Variants in ENAH observed in about 807,000 individuals in gnomAD.
ENAH encodes protein enabled homolog.
ENAH carries 23 observed loss-of-function variants against 78.7 expected under a neutral mutation model. The observed-to-expected ratio is 0.29, with a 90% CI of 0.21 to 0.41. The LOEUF (loss-of-function observed/expected upper bound fraction) is 0.41, where lower values mean the gene tolerates loss of function less well. ENAH is among the 10% of genes least tolerant of loss of function. The pLI is 1.00. For synonymous variants in ENAH, 226 were observed against 241.0 expected (o/e 0.94, Z 0.58); for missense variants, 544 against 691.0 (o/e 0.79, Z 2.39).
At chr1:225,582,155 C>T (rs1238599511) in intron 1 of ENAH, among the ~76,000 whole-genome samples, 1 of 152,042 alleles carries the variant, frequency 6.6e-6, no homozygotes, top group African/African-American at 2.4e-5. Context: ...ATCTGGTTGT[C>T]TTCCCCCCCT....
At chr1:225,617,305 C>T (rs757731775) in intron 1 of ENAH, among the ~76,000 whole-genome samples, 1 of 152,014 alleles carries the variant, frequency 6.6e-6, no homozygotes, top group Non-Finnish European at 1.5e-5. Context: ...ACAACCTAAC[C>T]AAATAAGCAA....
chr1:225,605,573 A>T (rs2096952082), intron 1 of ENAH, among the ~76,000 whole-genome samples: 1 of 152,210 alleles, frequency 6.6e-6, no homozygotes, highest in Non-Finnish European at 1.5e-5. Context: ...GTGTATCAGA[A>T]ATGATACTCC....
At chr1:225,632,000 G>C (rs1481303107) in intron 1 of ENAH, among the ~76,000 whole-genome samples, 1 of 151,998 alleles carries the variant, frequency 6.6e-6, no homozygotes, top group Admixed American at 6.5e-5. Context: ...GCCTTTGTAG[G>C]TAACTAGTAA....
At chr1:225,553,796 T>C (rs1204970573) in intron 3 of ENAH, among the ~76,000 whole-genome samples, 1 of 152,208 alleles carries the variant, frequency 6.6e-6, no homozygotes, top group Non-Finnish European at 1.5e-5. Flanking sequence ...TGGTTTATTT[T>C]CTCAAACTAG....
chr1:225,542,027 C>T (rs955482457), intron 3 of ENAH, among the ~76,000 whole-genome samples: 1 of 152,114 alleles, frequency 6.6e-6, no homozygotes. Flanking sequence ...ACTACAGGTG[C>T]ATACCACCAC....
At chr1:225,638,861 A>G (rs1660526201) in intron 1 of ENAH, among the ~76,000 whole-genome samples, 1 of 152,254 alleles carries the variant, frequency 6.6e-6, no homozygotes, top group African/African-American at 2.4e-5. Flanking sequence ...AGGGTCTTAA[A>G]ATCAAAGTTC....
chr1:225,505,107 TTC>T, intron 11 of ENAH: 1 of 1,359,256 alleles, frequency 7.4e-7, no homozygotes, highest in Non-Finnish European at 1.0e-6. Context: ...TAAAAAATAA[TTC>T]TCATTATGTT....
intron 1 of ENAH, among the ~76,000 whole-genome samples, chr1:225,622,489 G>C (rs1657168585): frequency 6.6e-6 from 1 of 152,138 alleles, no homozygotes; most frequent in Non-Finnish European, 1.5e-5. Flanking sequence ...TGTCTTAGTT[G>C]TTCCTGCTGC....
At chr1:225,513,141 A>T in intron 7 of ENAH, 125 bp from the exon 8 acceptor site, 2 of 840,818 alleles carry the variant, frequency 2.4e-6, no homozygotes, top group Non-Finnish European at 1.7e-6. Flanking sequence ...ATTATTTTTT[A>T]AGCTTTAAGA....
chr1:225,601,826 A>C (rs999651783), intron 1 of ENAH, among the ~76,000 whole-genome samples: 2 of 152,042 alleles, frequency 1.3e-5, no homozygotes, highest in Admixed American at 6.5e-5. Context: ...GAAATCAATA[A>C]AAATCAGGAA....
intron 1 of ENAH, among the ~76,000 whole-genome samples, chr1:225,580,532 G>C (rs928432647): frequency 2.0e-5 from 3 of 152,088 alleles, no homozygotes; most frequent in Non-Finnish European, 4.4e-5. Flanking sequence ...AATACGTGAC[G>C]TTTTAAGCCA....
At chr1:225,507,538 C>T (rs1168076772) in intron 11 of ENAH, among the ~76,000 whole-genome samples, 4 of 152,144 alleles carry the variant, frequency 2.6e-5, no homozygotes, top group East Asian at 1.9e-4. Flanking sequence ...TTGTGAATTG[C>T]TTTCAAACTA....
rs148451313 is a variant in ENAH, at chr1:225,538,970, T to C, written c.350-8332A>G. On this transcript the variant is annotated intron_variant, in intron 3 of 13. Coordinates refer to ENST00000366843, the MANE Select transcript of ENAH (RefSeq NM_018212.6). ...CCTCTTCCTGAACACAGATCAAGAC[T>C]TGCCCATCAAATGCCCTCCTACCAT... 1.1e-3 allele frequency among the ~76,000 whole-genome samples: 161 copies of C among 152,330 alleles called. 1 individual carries two copies. Among genetic ancestry groups the C allele is most frequent in the South Asian group, 3.3e-3 (16 of 4,818 alleles).
At chr1:225,652,625 C>CG (rs1449177768) in intron 1 of ENAH, 61 bp downstream of exon 1, 1 of 1,257,330 alleles carries the variant, frequency 8.0e-7, no homozygotes, top group African/African-American at 1.6e-5. Context: ...CCGAGGAGAA[C>CG]GGGGGTCGCG....
chr1:225,643,171 C>T (rs1392713410), intron 1 of ENAH, among the ~76,000 whole-genome samples: 1 of 152,100 alleles, frequency 6.6e-6, no homozygotes, highest in Non-Finnish European at 1.5e-5. Flanking sequence ...TCTAAGATGC[C>T]GCTGAAGGCT....
Position 225,492,786 on chromosome 1 carries a change from G to C in ENAH, c.*4989C>G, listed in dbSNP as rs1275598680. 6.6e-6 allele frequency: 1 copy of C among 152,154 alleles called. No individual in the cohort carries two copies. Among genetic ancestry groups the C allele is most frequent in the East Asian group, 1.9e-4 (1 of 5,198 alleles). The allele number at this position is 152,154 out of a possible 1,614,324, so 9.4% of individuals were successfully genotyped here. Reference sequence around the variant, plus strand: ...ATTTTCAGATGTATCGATTCCTTCAGATTTCAACAGAAATAACCAATAAAT... The same window carrying C: ...ATTTTCAGATGTATCGATTCCTTCACATTTCAACAGAAATAACCAATAAAT... On this transcript the variant is annotated 3_prime_UTR_variant, in exon 14 of 14. Coordinates refer to ENST00000366843, the MANE Select transcript of ENAH (RefSeq NM_018212.6).
At position 225,567,381 on chromosome 1, in the gene ENAH, C is replaced by G; in HGVS notation, c.39G>C (p.Val13=). The part of the protein sequence containing the change: ...EQSICQARAA[V]MVYDDANKKW... The stretch of plus-strand genomic sequence containing the variant: ...TCTTATTGGCATCATCATAAACCAT[C>G]ACAGCAGCTCTTGCCTGACAGATAC... Residue 13 remains valine (V), a synonymous_variant, in exon 2 of 14, where the codon GTG becomes GTC. Coordinates refer to ENST00000366843, the MANE Select transcript of ENAH (RefSeq NM_018212.6). The G allele has an allele frequency of 6.2e-7, 1 of 1,613,664 alleles. No individual in the cohort carries two copies. The highest frequency in any genetic ancestry group is 8.5e-7 in the Non-Finnish European group (1 of 1,179,832).
intron 1 of ENAH, among the ~76,000 whole-genome samples, chr1:225,640,118 T>C (rs1034002402): frequency 4.6e-5 from 7 of 152,136 alleles, no homozygotes; most frequent in Non-Finnish European, 1.5e-5. Context: ...CTTGAATATT[T>C]TGGCAAAAAG....
intron 1 of ENAH, among the ~76,000 whole-genome samples, chr1:225,580,549 C>T (rs992618316): frequency 1.3e-5 from 2 of 152,128 alleles, no homozygotes; most frequent in Admixed American, 1.3e-4. Flanking sequence ...GCCACTAAAA[C>T]TTTGTGTAAT....
Sources: allele counts gnomAD v4.1 joint callset (sites outside exome capture counted in the v4.1 genomes callset), GRCh38; gene constraint gnomAD v4.1.1; transcripts MANE v1.5; gene names NCBI Gene and HGNC (gene_info 2026-07-23, HGNC 2026-07-21).